Variants in CRELD1 observed in about 807,000 individuals in gnomAD.
CRELD1 encodes CRELD disulfide isomerase 1, also known as protein disulfide isomerase CRELD1.
A neutral mutation model predicts 58.2 loss-of-function variants in CRELD1; 42 were observed. The ratio of observed to expected loss-of-function variants is 0.72; its 90% CI spans 0.56 to 0.93. The LOEUF (loss-of-function observed/expected upper bound fraction) is 0.93. CRELD1 is among the 40% of genes least tolerant of loss of function. The pLI is 0.00. For missense variants in CRELD1, 500 were observed against 540.6 expected, an observed-to-expected ratio of 0.92 and a Z score of 0.74; for synonymous variants, 222 against 202.0, an observed-to-expected ratio of 1.10 and a Z score of -0.84.
intron 3 of CRELD1, among the ~76,000 whole-genome samples, chr3:9,937,203 G>T (rs1448559562): frequency 6.6e-6 from 1 of 152,114 alleles, no homozygotes. Flanking sequence ...CCACATCCCT[G>T]CCAACACTTG....
chr3:9,944,509 C>T lies in CRELD1; in HGVS notation c.1193C>T (p.Ala398Val). Reference sequence around the variant, plus strand: ...ACCGCCATCTTCATTGGGGCTGTGGCGGCCATGACTGGCTACTGGTTGTCA... The same window carrying T: ...ACCGCCATCTTCATTGGGGCTGTGGTGGCCATGACTGGCTACTGGTTGTCA... The part of the protein sequence containing the change: ...VFTAIFIGAV[A>V]AMTGYWLSER... Residue 398 changes from alanine (A) to valine (V), a missense_variant, in exon 11 of 11, where the codon GCG (alanine) becomes GTG (valine). Transcript: ENST00000452070. 1.2e-6 allele frequency: 2 copies of T among 1,612,632 alleles called. No individual in the cohort carries two copies. Among genetic ancestry groups the T allele is most frequent in the Non-Finnish European group, 8.5e-7 (1 of 1,180,016 alleles).
Position 9,943,200 on chromosome 3 carries a change from C to T in CRELD1, c.913+28C>T, listed in dbSNP as rs767862346. 3 of 1,600,610 alleles carry T rather than the reference C, an allele frequency of 1.9e-6. No individual in the cohort carries two copies. In the East Asian group the frequency reaches 6.7e-5, roughly 36 times the overall value. On this transcript the variant is annotated intron_variant, in intron 9 of 10. Transcript: ENST00000452070. ...GAGTCTCCTGCTGATGGGACACAGG[C>T]ACCTGGGAGTGCCTCACCCAGCATG...
intron 7 of CRELD1, among the ~76,000 whole-genome samples, chr3:9,942,449 A>G (rs955087238): frequency 6.6e-6 from 1 of 152,130 alleles, no homozygotes; most frequent in Non-Finnish European, 1.5e-5. Context: ...GCATGGTTGA[A>G]GCTGAGTCCT....
chr3:9,945,039 A>G lies in CRELD1; in HGVS notation c.*460A>G, dbSNP rs2085481714. On this transcript the variant is annotated 3_prime_UTR_variant, in exon 11 of 11. Transcript: ENST00000452070. Reference sequence around the variant, plus strand: ...AGGTCTTGGAAAGTTAAAAGGCATCAGTCTTACTACCTGTCCCACCACCCC... The same window carrying G: ...AGGTCTTGGAAAGTTAAAAGGCATCGGTCTTACTACCTGTCCCACCACCCC... 1 of 232,662 alleles carries G rather than the reference A, an allele frequency of 4.3e-6. No homozygotes were observed. Among genetic ancestry groups the G allele is most frequent in the East Asian group, 1.0e-4 (1 of 10,006 alleles). The allele number at this position is 232,662 out of a possible 1,614,324, so 14.4% of individuals were successfully genotyped here.
At chr3:9,944,242 G>T (rs570645162) in intron 10 of CRELD1, 123 bp from the exon 11 acceptor site, 5 of 904,636 alleles carry the variant, frequency 5.5e-6, no homozygotes, top group Non-Finnish European at 9.3e-6. Flanking sequence ...AATGTAGTGT[G>T]CCTGGCTTGC....
At chr3:9,941,267 T>TC in intron 7 of CRELD1, 61 bp downstream of exon 7, 2 of 1,445,364 alleles carry the variant, frequency 1.4e-6, no homozygotes, top group Admixed American at 3.5e-5. Flanking sequence ...GGTCCTTTAT[T>TC]CTCTCAACAC....
chr3:9,943,206 G>C (rs750115424), intron 9 of CRELD1, 34 bp downstream of exon 9: 1 of 1,590,270 alleles, frequency 6.3e-7, no homozygotes, highest in Non-Finnish European at 8.6e-7. Context: ...CAGGCACCTG[G>C]GAGTGCCTCA....
intron 7 of CRELD1, among the ~76,000 whole-genome samples, chr3:9,942,373 A>G (rs1011459953): frequency 6.6e-6 from 1 of 151,996 alleles, no homozygotes; most frequent in African/African-American, 2.4e-5. Flanking sequence ...TCTGCTAGTC[A>G]TAATCATTCC....
In CRELD1 at chr3:9,944,468, G is replaced by A. The variant is rs1388801510; in HGVS notation, c.1152G>A (p.Lys384=). 6.2e-7 allele frequency: 1 copy of A among 1,613,672 alleles called. No homozygotes were observed. Among genetic ancestry groups the A allele is most frequent in the South Asian group, 1.1e-5 (1 of 91,054 alleles). Residue 384 remains lysine, a synonymous_variant, in exon 11 of 11, where the codon AAG becomes AAA. Transcript: ENST00000452070. ...GTGCACTGGCCACGCTGGCTGCTAA[G>A]GGCGACTTGGTGTTCACCGCCATCT... ...IICALATLAA[K]GDLVFTAIFI...
chr3:9,940,075 C>CTGCCAGG (rs1575643784), intron 5 of CRELD1, among the ~76,000 whole-genome samples: 1 of 151,274 alleles, frequency 6.6e-6, no homozygotes, highest in South Asian at 2.1e-4. Context: ...GACAGGGCGG[C>CTGCCAGG]CGGGCAGAGA....
chr3:9,937,993 C>T, intron 4 of CRELD1, 22 bp from the exon 5 acceptor site: 1 of 1,582,162 alleles, frequency 6.3e-7, no homozygotes, highest in Non-Finnish European at 8.7e-7. Flanking sequence ...CCCCACCTCC[C>T]TCCACCCTGC....
At chr3:9,938,861 A>G (rs2085269621) in intron 5 of CRELD1, among the ~76,000 whole-genome samples, 1 of 143,516 alleles carries the variant, frequency 7.0e-6, no homozygotes, top group African/African-American at 2.8e-5. Context: ...CTCTGTCTCA[A>G]AAAAAAAAAA....
At chr3:9,935,371 T>C (rs972452428) in intron 3 of CRELD1, among the ~76,000 whole-genome samples, 3 of 152,156 alleles carry the variant, frequency 2.0e-5, no homozygotes, top group East Asian at 3.8e-4. Context: ...CCTCGAGGGC[T>C]ACAGAAAAGA....
In CRELD1 at chr3:9,944,353, G is replaced by A. The variant is rs1457920046; in HGVS notation, c.1049-12G>A. On this transcript the variant is annotated splice_polypyrimidine_tract_variant and intron_variant, in intron 10 of 10. Transcript: ENST00000452070. Reference sequence around the variant, plus strand: ...ATACGAGTGCCAGGCTGCATCTCTTGCTCCTCTGCAGAGTCAGCAGGCTTC... The same window carrying A: ...ATACGAGTGCCAGGCTGCATCTCTTACTCCTCTGCAGAGTCAGCAGGCTTC... 1 of 1,610,414 alleles carries A rather than the reference G, an allele frequency of 6.2e-7. No homozygotes were observed. The highest frequency in any genetic ancestry group is 2.2e-5 in the East Asian group (1 of 44,878).
rs113112771 is a variant in CRELD1, at chr3:9,943,847, A to G, written c.1048+332A>G. Reference sequence around the variant, plus strand: ...TGTGGTGAGATGCAGGGTAATCACAACGATGATGGCAGGGACCATTTCCCC... The same window carrying G: ...TGTGGTGAGATGCAGGGTAATCACAGCGATGATGGCAGGGACCATTTCCCC... On this transcript the variant is annotated intron_variant, in intron 10 of 10. Transcript: ENST00000452070. 93 of 1,613,882 alleles carry G rather than the reference A, an allele frequency of 5.8e-5. 1 individual carries two copies. The African/African-American group carries it at 1.0e-3, about 18-fold the overall frequency.
intron 5 of CRELD1, among the ~76,000 whole-genome samples, 168 bp from the exon 6 acceptor site, chr3:9,940,677 ACCATG>A (rs2085336473): frequency 1.5e-5 from 2 of 130,814 alleles, no homozygotes; most frequent in Admixed American, 8.0e-5. Context: ...GGAGAGGGAG[ACCATG>A]GGGAGAGGGA....
chr3:9,937,772 T>A (rs1451517797), intron 4 of CRELD1, 100 bp downstream of exon 4: 2 of 880,874 alleles, frequency 2.3e-6, no homozygotes. Flanking sequence ...CTGGGGCCCA[T>A]GTCCTGGTTG....
chr3:9,944,128 A>G lies in CRELD1; in HGVS notation c.1049-237A>G, dbSNP rs1015844614. 4 of 788,508 alleles carry G rather than the reference A, an allele frequency of 5.1e-6. No individual in the cohort carries two copies. The African/African-American group carries it at 6.7e-5, about 13-fold the overall frequency. The allele number at this position is 788,508 out of a possible 1,614,324, so 48.8% of individuals were successfully genotyped here. ...ATGCTCTGCCCCCAACTTGTCCACC[A>G]CATGGCCTTGGCAAGTCCAACCCCT... is the stretch of plus-strand genomic sequence containing the variant. On this transcript the variant is annotated intron_variant, in intron 10 of 10. Transcript: ENST00000452070.
Position 9,941,172 on chromosome 3 carries a change from G to T in CRELD1, c.699G>T (p.Lys233Asn). ...AGGAATCAAACTGTTTGCAATGCAA[G>T]AAGGGCTGGGCCCTGCATCACCTCA... ...GPEESNCLQC[K>N]KGWALHHLKC... Residue 233 changes from lysine to asparagine, a missense_variant, in exon 7 of 11, where the codon AAG becomes AAT. Coordinates refer to ENST00000452070, the MANE Select transcript of CRELD1 (RefSeq NM_001077415.3). 1 of 1,614,198 alleles carries T rather than the reference G, an allele frequency of 6.2e-7. No individual in the cohort carries two copies. Among genetic ancestry groups the T allele is most frequent in the Non-Finnish European group, 8.5e-7 (1 of 1,180,022 alleles).
Sources: allele counts gnomAD v4.1 joint callset (sites outside exome capture counted in the v4.1 genomes callset), GRCh38; gene constraint gnomAD v4.1.1; transcripts MANE v1.5; gene names NCBI Gene and HGNC (gene_info 2026-07-23, HGNC 2026-07-21).